The following VSTM4 variants were observed in gnomAD, a reference collection of about 807,000 sequenced individuals.
VSTM4 encodes V-set and transmembrane domain containing 4.
VSTM4 carries 20 observed loss-of-function variants against 36.4 expected under a neutral mutation model. The observed-to-expected ratio is 0.55, with a 90% confidence interval of 0.39 to 0.80. The LOEUF is 0.80. Ranked by LOEUF, VSTM4 falls within the 30% of genes least tolerant of loss-of-function variation. The pLI, the probability that VSTM4 is intolerant of heterozygous loss-of-function variation, is 0.00. For missense variants in VSTM4, 392 were observed against 404.5 expected (o/e 0.97, Z 0.26); for synonymous variants, 182 against 173.9 (o/e 1.05, Z -0.37).
chr10:49,108,487 G>A (rs1033373536), intron 1 of VSTM4, among the ~76,000 whole-genome samples: 15 of 152,152 alleles, frequency 9.9e-5, no homozygotes, highest in Non-Finnish European at 1.9e-4. Flanking sequence ...GGCAGGGTAG[G>A]GCCCTCTCTC....
intron 7 of VSTM4, among the ~76,000 whole-genome samples, chr10:49,041,020 T>C (rs1277862101): frequency 6.6e-6 from 1 of 152,206 alleles, no homozygotes; most frequent in Non-Finnish European, 1.5e-5. Flanking sequence ...CTCCAAATTA[T>C]TTTCTAAATT....
intron 2 of VSTM4, among the ~76,000 whole-genome samples, chr10:49,100,348 A>G (rs1242981153): frequency 6.6e-6 from 1 of 152,250 alleles, no homozygotes; most frequent in African/African-American, 2.4e-5. Flanking sequence ...TACTATTGAA[A>G]TGCAACTGAG....
At chr10:49,081,370 A>T (rs1443105585) in intron 3 of VSTM4, among the ~76,000 whole-genome samples, 2 of 152,208 alleles carry the variant, frequency 1.3e-5, no homozygotes, top group Non-Finnish European at 2.9e-5. Flanking sequence ...TGGAGTGGAG[A>T]GAAAAATTGT....
At chr10:49,062,038 C>T (rs1026657422) in intron 5 of VSTM4, among the ~76,000 whole-genome samples, 1 of 152,140 alleles carries the variant, frequency 6.6e-6, no homozygotes, top group Non-Finnish European at 1.5e-5. Context: ...TTAGTGATTG[C>T]TTTGGTCATT....
At chr10:49,020,593 A>G (rs991817672) in intron 7 of VSTM4, among the ~76,000 whole-genome samples, 4 of 152,104 alleles carry the variant, frequency 2.6e-5, no homozygotes, top group African/African-American at 9.7e-5. Flanking sequence ...ATATACTGAA[A>G]AAACTTTTAA....
chr10:49,068,775 A>C (rs1844019832), intron 4 of VSTM4, among the ~76,000 whole-genome samples: 1 of 152,160 alleles, frequency 6.6e-6, no homozygotes, highest in Non-Finnish European at 1.5e-5. Context: ...CCCACTGGAA[A>C]GTGCCGGAGA....
chr10:49,023,174 G>A (rs570467653), intron 7 of VSTM4, among the ~76,000 whole-genome samples: 5 of 152,318 alleles, frequency 3.3e-5, no homozygotes, highest in South Asian at 4.1e-4. Flanking sequence ...TTGAAGATAC[G>A]AGGCAGCTCA....
intron 4 of VSTM4, among the ~76,000 whole-genome samples, chr10:49,073,611 T>C (rs1000375075): frequency 9.9e-5 from 15 of 152,192 alleles, no homozygotes; most frequent in African/African-American, 3.4e-4. Context: ...TCAAAGCCCA[T>C]GGTTTCCAGG....
At chr10:49,087,947 C>T (rs1790245171) in intron 2 of VSTM4, among the ~76,000 whole-genome samples, 1 of 133,912 alleles carries the variant, frequency 7.5e-6, no homozygotes, top group African/African-American at 3.5e-5. Flanking sequence ...TGTATATATA[C>T]ATATGTAATA....
Position 49,070,048 on chromosome 10 carries a change from C to T in VSTM4, c.635-5312G>A, listed in dbSNP as rs1171584073. On this transcript the variant is annotated intron_variant, in intron 4 of 7. Transcript: ENST00000332853. The stretch of plus-strand genomic sequence containing the variant: ...CGGGCGGATCACGAGGTCAGGAGAT[C>T]GAGACCATCCCGGCTAAAACGGTGA... Among the ~76,000 whole-genome samples, 7 of 63,274 alleles carry T rather than the reference C, an allele frequency of 1.1e-4. 2 individuals are homozygous for T. In the East Asian group the frequency reaches 1.1e-3, roughly 10 times the overall value. 41.5% of individuals were successfully genotyped at this position (63,274 alleles called of 152,430 possible). A position where few individuals can be genotyped will look rare whatever the true frequency, so the allele number is the denominator to read the frequency against.
chr10:49,106,715 C>G (rs888906846), intron 2 of VSTM4, among the ~76,000 whole-genome samples: 1 of 152,236 alleles, frequency 6.6e-6, no homozygotes, highest in African/African-American at 2.4e-5. Flanking sequence ...CCAAAGCCAT[C>G]AAGCCTGCAC....
At chr10:49,109,475 T>C in intron 1 of VSTM4, among the ~76,000 whole-genome samples, 1 of 46,662 alleles carries the variant, frequency 2.1e-5, no homozygotes, top group East Asian at 3.8e-4. Flanking sequence ...TCAAGACAGA[T>C]GATTTCAGGA....
At chr10:49,027,012 G>A (rs910563275) in intron 7 of VSTM4, among the ~76,000 whole-genome samples, 1 of 152,052 alleles carries the variant, frequency 6.6e-6, no homozygotes, top group Admixed American at 6.5e-5. Context: ...TGAAACTCTT[G>A]CCTGTCACAC....
rs143456152 is a variant in VSTM4, at chr10:49,071,065, T to C, written c.634+6154A>G. Among the ~76,000 whole-genome samples, 552 of 152,332 alleles carry C rather than the reference T, an allele frequency of 3.6e-3. 4 individuals carry two copies. Among genetic ancestry groups the C allele is most frequent in the Middle Eastern group, 6.8e-3 (2 of 294 alleles). ...CATCCTCATGGAGAAGCAGAGTGCC[T>C]GGGACAGGGGAGTCATGGGTGTTTA... is the stretch of plus-strand genomic sequence containing the variant. On this transcript the variant is annotated intron_variant, in intron 4 of 7. Coordinates refer to ENST00000332853, the MANE Select transcript of VSTM4 (RefSeq NM_001031746.5).
At chr10:49,101,692 T>C (rs1015164500) in intron 2 of VSTM4, among the ~76,000 whole-genome samples, 8 of 152,338 alleles carry the variant, frequency 5.3e-5, no homozygotes, top group African/African-American at 1.9e-4. Flanking sequence ...TTTGGCATTG[T>C]CTACAAAAAT....
At chr10:49,033,406 G>A (rs1334139498) in intron 7 of VSTM4, among the ~76,000 whole-genome samples, 1 of 114,946 alleles carries the variant, frequency 8.7e-6, no homozygotes, top group Non-Finnish European at 2.0e-5. Context: ...TACATATTGG[G>A]AATATATAAT....
At chr10:49,022,269 G>A (rs1175034119) in intron 7 of VSTM4, among the ~76,000 whole-genome samples, 1 of 151,676 alleles carries the variant, frequency 6.6e-6, no homozygotes, top group Non-Finnish European at 1.5e-5. Context: ...TTTGGTTTTG[G>A]CTTTGGTTTT....
intron 6 of VSTM4, 87 bp from the exon 7 acceptor site, chr10:49,047,131 A>G (rs1843624975): frequency 7.3e-7 from 1 of 1,362,528 alleles, no homozygotes; most frequent in Non-Finnish European, 1.0e-6. Flanking sequence ...ACATATTCTG[A>G]GAGGTCTCAT....
At chr10:49,056,485 C>T (rs986905048) in intron 5 of VSTM4, among the ~76,000 whole-genome samples, 6 of 152,246 alleles carry the variant, frequency 3.9e-5, no homozygotes, top group African/African-American at 1.4e-4. Flanking sequence ...GAGGCTGCTC[C>T]ACTAACTGCC....
Sources: gnomAD v4.1 joint callset for allele counts (sites outside exome capture counted in the v4.1 genomes callset) on GRCh38, gnomAD v4.1.1 for gene constraint, MANE v1.5 for transcripts, NCBI Gene and HGNC (gene_info 2026-07-23, HGNC 2026-07-21) for gene names.